Variants in SHISA9 observed in about 807,000 individuals in gnomAD.
SHISA9 encodes the protein shisa family member 9, also known as protein shisa-9.
A neutral mutation model predicts 38.0 loss-of-function variants in SHISA9; 13 were observed. The ratio of observed to expected loss-of-function variants is 0.34; its 90% CI spans 0.22 to 0.54. The LOEUF (loss-of-function observed/expected upper bound fraction) is 0.54, where lower values mean the gene tolerates loss of function less well. SHISA9 is among the 20% of genes least tolerant of loss of function. The pLI is 0.91. For synonymous variants in SHISA9, 275 were observed against 242.0 expected (o/e 1.14, Z -1.27); for missense variants, 538 against 575.8 (o/e 0.93, Z 0.67).
chr16:13,025,676 AAT>A (rs2072911719), intron 2 of SHISA9, among the ~76,000 whole-genome samples: 2 of 152,226 alleles, frequency 1.3e-5, no homozygotes, highest in Non-Finnish European at 2.9e-5. Flanking sequence ...CCTCCTTGGC[AAT>A]CTCATAGACG....
the SHISA9 span, among the ~76,000 whole-genome samples, chr16:13,408,884 T>C: frequency 6.6e-6 from 1 of 152,138 alleles, no homozygotes; most frequent in Non-Finnish European, 1.5e-5. Context: ...AAATACTGGG[T>C]AGAAGAGGGC....
At chr16:13,089,432 G>C (rs2073750071) in intron 2 of SHISA9, among the ~76,000 whole-genome samples, 1 of 152,120 alleles carries the variant, frequency 6.6e-6, no homozygotes, top group Non-Finnish European at 1.5e-5. Context: ...ATCTGGTCCT[G>C]GACTTTTTTT....
chr16:13,240,786 A>T (rs1052556493), downstream of SHISA9, among the ~76,000 whole-genome samples: 9 of 152,194 alleles, frequency 5.9e-5, no homozygotes. Context: ...TATTGAAAGG[A>T]TGGAAGATTC....
chr16:13,385,047 G>A, the SHISA9 span, among the ~76,000 whole-genome samples: 1 of 152,112 alleles, frequency 6.6e-6, no homozygotes, highest in Non-Finnish European at 1.5e-5. Context: ...AAGAAGATAT[G>A]CATGAAAAAG....
chr16:13,055,302 G>A (rs1463720553), intron 2 of SHISA9, among the ~76,000 whole-genome samples: 1 of 152,174 alleles, frequency 6.6e-6, no homozygotes, highest in Non-Finnish European at 1.5e-5. Flanking sequence ...AGACATCTTT[G>A]CTTCAGAGTC....
At chr16:13,244,798 G>A (rs187850642), downstream of SHISA9, among the ~76,000 whole-genome samples, 216 of 152,324 alleles carry the variant, frequency 1.4e-3, no homozygotes, top group African/African-American at 4.1e-3. Context: ...GTATTGATGA[G>A]CACAAACAAT....
chr16:13,084,558 A>G (rs769649874), intron 2 of SHISA9, among the ~76,000 whole-genome samples: 30 of 152,238 alleles, frequency 2.0e-4, no homozygotes, highest in Middle Eastern at 3.4e-3. Flanking sequence ...AGCACTGCAC[A>G]CTCCAGACAG....
intron 2 of SHISA9, among the ~76,000 whole-genome samples, chr16:13,019,038 T>C (rs2072790344): frequency 6.6e-6 from 1 of 152,170 alleles, no homozygotes; most frequent in East Asian, 1.9e-4. Context: ...CTTGCTCTGT[T>C]GCTCAGGCTG....
chr16:13,390,583 G>A, the SHISA9 span, among the ~76,000 whole-genome samples: 362 of 152,198 alleles, frequency 2.4e-3, 1 homozygote, highest in African/African-American at 8.2e-3. Context: ...TTAAGAGCAC[G>A]TTTAAGATTT....
chr16:13,127,814 C>T (rs1353380666), intron 2 of SHISA9, among the ~76,000 whole-genome samples: 1 of 152,118 alleles, frequency 6.6e-6, no homozygotes, highest in Non-Finnish European at 1.5e-5. Context: ...AGTGAAAGAG[C>T]CAGAGCTCCC....
At chr16:12,963,897 G>A (rs924480162) in intron 2 of SHISA9, among the ~76,000 whole-genome samples, 5 of 152,310 alleles carry the variant, frequency 3.3e-5, no homozygotes, top group South Asian at 2.1e-4. Flanking sequence ...TGTCATAGCC[G>A]AGGGAAGAAC....
the SHISA9 span, among the ~76,000 whole-genome samples, chr16:13,321,712 C>T: frequency 5.9e-5 from 9 of 152,010 alleles, no homozygotes; most frequent in Non-Finnish European, 7.4e-5. Flanking sequence ...CCAGGTGTGT[C>T]GGTGTATGGC....
chr16:13,305,883 C>T, the SHISA9 span, among the ~76,000 whole-genome samples: 2 of 152,204 alleles, frequency 1.3e-5, no homozygotes, highest in Admixed American at 6.5e-5. Flanking sequence ...ACAATCAATA[C>T]AGTAATATTT....
At chr16:13,213,128 C>T (rs1259818074) in intron 3 of SHISA9, 125 bp from the exon 4 acceptor site, 4 of 761,662 alleles carry the variant, frequency 5.3e-6, no homozygotes, top group Admixed American at 2.3e-5. Context: ...CCCTGGGTCC[C>T]CTGAGGCCTG....
chr16:13,432,947 GA>G, the SHISA9 span, among the ~76,000 whole-genome samples: 2 of 152,066 alleles, frequency 1.3e-5, no homozygotes, highest in Admixed American at 1.3e-4. Flanking sequence ...AGAGGATCAG[GA>G]AAAATAACTA....
the SHISA9 span, among the ~76,000 whole-genome samples, chr16:13,425,212 G>C: frequency 5.3e-5 from 8 of 152,220 alleles, no homozygotes; most frequent in Admixed American, 6.5e-5. Context: ...AGCAGGGAGG[G>C]GCTGCGTGCG....
the SHISA9 span, among the ~76,000 whole-genome samples, chr16:13,311,318 G>A: frequency 6.6e-6 from 1 of 151,858 alleles, no homozygotes; most frequent in Non-Finnish European, 1.5e-5. Context: ...AAGATTTTTA[G>A]TGTTCATCCT....
At chr16:12,917,575 C>G (rs562379975) in intron 2 of SHISA9, among the ~76,000 whole-genome samples, 1 of 152,158 alleles carries the variant, frequency 6.6e-6, no homozygotes, top group East Asian at 1.9e-4. Context: ...CAATATACAT[C>G]GTGGAGCTGA....
chr16:13,518,659 A>G, the SHISA9 span, among the ~76,000 whole-genome samples: 1 of 152,178 alleles, frequency 6.6e-6, no homozygotes, highest in African/African-American at 2.4e-5. Context: ...TCCCCATTCT[A>G]CACCCTTCTG....
Sources: allele counts gnomAD v4.1 joint callset (sites outside exome capture counted in the v4.1 genomes callset), GRCh38; gene constraint gnomAD v4.1.1; transcripts MANE v1.5; gene names NCBI Gene and HGNC (gene_info 2026-07-23, HGNC 2026-07-21).